KIF13B: variants seen among roughly 807,000 people sequenced by gnomAD.
KIF13B encodes kinesin-like protein KIF13B.
In KIF13B, 127 loss-of-function variants were observed where a neutral mutation model predicts 222.0. That is an observed-to-expected ratio of 0.57 (90% CI 0.50 to 0.66). KIF13B has a LOEUF of 0.66. Ranked by LOEUF, KIF13B falls within the 30% of genes least tolerant of loss-of-function variation. KIF13B has a pLI of 0.00. For synonymous variants in KIF13B, 976 were observed against 919.0 expected (o/e 1.06, Z -1.12); for missense variants, 2,173 against 2,379.0 (o/e 0.91, Z 1.80).
At position 29,070,443 on chromosome 8, in the gene KIF13B, T is replaced by A; in HGVS notation, c.*61A>T. On this transcript the variant is annotated 3_prime_UTR_variant, in exon 40 of 40. Transcript: ENST00000524189. The surrounding 1 kb of genome is among the most constrained non-coding windows in gnomAD (Gnocchi z 4.1). The stretch of plus-strand genomic sequence containing the variant: ...CCGGGCTCCTGGCTCCTCAGGGCTG[T>A]CACTGGCAGGGCTCAAAAGGGGCCG... 1 of 1,579,260 alleles carries A rather than the reference T, an allele frequency of 6.3e-7. No individual in the cohort carries two copies. The highest frequency in any genetic ancestry group is 8.6e-7 in the Non-Finnish European group (1 of 1,161,558).
At chr8:29,174,708 C>T (rs912273051) in intron 10 of KIF13B, among the ~76,000 whole-genome samples, 2 of 152,014 alleles carry the variant, frequency 1.3e-5, no homozygotes, top group Admixed American at 6.5e-5. Flanking sequence ...TGCATTTTGG[C>T]CAAAGGAAGT....
intron 1 of KIF13B, among the ~76,000 whole-genome samples, chr8:29,260,997 A>C (rs754995718): frequency 6.6e-6 from 1 of 152,220 alleles, no homozygotes; most frequent in Non-Finnish European, 1.5e-5. Context: ...ACTGTATTCC[A>C]TAATAACCTT....
chr8:29,158,073 C>T (rs4732911), intron 13 of KIF13B, among the ~76,000 whole-genome samples: 130,264 of 152,132 alleles, frequency 0.86, 56,370 homozygotes, highest in Non-Finnish European at 0.9. Context: ...CTGTTTCCTC[C>T]GTCTGAAATG....
intron 1 of KIF13B, among the ~76,000 whole-genome samples, chr8:29,254,837 A>G (rs760617055): frequency 2.6e-5 from 4 of 152,262 alleles, no homozygotes; most frequent in Admixed American, 2.0e-4. Flanking sequence ...AAGCCTGTAC[A>G]TAAATGTTCA....
chr8:29,100,151 C>T (rs1352994598), intron 35 of KIF13B, among the ~76,000 whole-genome samples: 2 of 152,174 alleles, frequency 1.3e-5, no homozygotes, highest in Admixed American at 6.5e-5. Flanking sequence ...TTATTGTATT[C>T]TCAACTTATT....
intron 10 of KIF13B, among the ~76,000 whole-genome samples, chr8:29,175,738 A>G (rs1415498754): frequency 2.0e-5 from 3 of 152,250 alleles, no homozygotes; most frequent in Non-Finnish European, 4.4e-5. Flanking sequence ...GTGTGAGGCC[A>G]GCGGAGGCTC....
intron 35 of KIF13B, among the ~76,000 whole-genome samples, chr8:29,107,522 T>A (rs1043538833): frequency 8.7e-5 from 13 of 150,238 alleles, no homozygotes; most frequent in Non-Finnish European, 1.3e-4. Context: ...GAGCGAAACA[T>A]CATCACACAC....
At chr8:29,241,789 C>G (rs1700719598) in intron 2 of KIF13B, among the ~76,000 whole-genome samples, 2 of 151,092 alleles carry the variant, frequency 1.3e-5, no homozygotes, top group Admixed American at 1.3e-4. Flanking sequence ...TTTATTCAGT[C>G]TCGGCCCTTG....
intron 13 of KIF13B, among the ~76,000 whole-genome samples, chr8:29,160,441 CAA>C (rs1229880525): frequency 6.6e-6 from 1 of 152,122 alleles, no homozygotes; most frequent in African/African-American, 2.4e-5. Flanking sequence ...ATTTAGTCTT[CAA>C]AGTCATCCAT....
chr8:29,124,187 C>T (rs1271318151), intron 26 of KIF13B, 64 bp from the exon 27 acceptor site: 6 of 958,968 alleles, frequency 6.3e-6, no homozygotes, highest in African/African-American at 3.2e-5. Flanking sequence ...GAAACTGATG[C>T]TCTATCTTAC....
At chr8:29,179,089 A>C (rs1334402029) in intron 8 of KIF13B, among the ~76,000 whole-genome samples, 1 of 152,096 alleles carries the variant, frequency 6.6e-6, no homozygotes, top group Non-Finnish European at 1.5e-5. Flanking sequence ...GTTTCACAGA[A>C]GGCAACACTG....
At chr8:29,204,412 T>C (rs1357494918) in intron 2 of KIF13B, among the ~76,000 whole-genome samples, 2 of 152,192 alleles carry the variant, frequency 1.3e-5, no homozygotes, top group Non-Finnish European at 1.5e-5. Context: ...CCACTTTCAC[T>C]ATAAGAAAGC....
chr8:29,126,513 TA>T lies in KIF13B; in HGVS notation c.3223-3del. On this transcript the variant is annotated splice_region_variant and splice_polypyrimidine_tract_variant and intron_variant, in intron 25 of 39. Coordinates refer to ENST00000524189, the MANE Select transcript of KIF13B (RefSeq NM_015254.4). ...GCTGTCCATGTCTTCCTCTTCCTCC[TA>T]AAAGAAAATATACATTACAAAGAAC... 2 of 1,507,132 alleles carry T rather than the reference TA, an allele frequency of 1.3e-6. No homozygotes were observed. Among genetic ancestry groups the T allele is most frequent in the Non-Finnish European group, 1.8e-6 (2 of 1,093,498 alleles). 93.4% of individuals were successfully genotyped at this position (1,507,132 alleles called of 1,614,324 possible). A position where few individuals can be genotyped will look rare whatever the true frequency, so the allele number is the denominator to read the frequency against.
chr8:29,193,974 C>T (rs1017963173), intron 3 of KIF13B, among the ~76,000 whole-genome samples: 3 of 148,660 alleles, frequency 2.0e-5, no homozygotes, highest in Admixed American at 6.7e-5. Flanking sequence ...CCCGCTACCA[C>T]GCCTGGCTTT....
At chr8:29,087,955 T>C (rs1459203561) in intron 37 of KIF13B, among the ~76,000 whole-genome samples, 1 of 152,014 alleles carries the variant, frequency 6.6e-6, no homozygotes, top group East Asian at 1.9e-4. Flanking sequence ...TATTCAAATA[T>C]GTATATAAGA....
Position 29,186,518 on chromosome 8 carries a change from A to C in KIF13B, c.317-46T>G. ...GTTACTATTGTCTCTTTGAGACGTT[A>C]AATACATAACCCTCTTTCCGTTGCT... On this transcript the variant is annotated intron_variant, in intron 5 of 39. Coordinates refer to ENST00000524189, the MANE Select transcript of KIF13B (RefSeq NM_015254.4). 2.0e-6 allele frequency: 3 copies of C among 1,493,946 alleles called. No homozygotes were observed. In the South Asian group the frequency reaches 3.7e-5, roughly 18 times the overall value. The allele number at this position is 1,493,946 out of a possible 1,614,324, so 92.5% of individuals were successfully genotyped here.
At chr8:29,079,507 T>G (rs542066635) in intron 37 of KIF13B, among the ~76,000 whole-genome samples, 1 of 152,222 alleles carries the variant, frequency 6.6e-6, no homozygotes, top group Non-Finnish European at 1.5e-5. Context: ...CAGTGTTTGT[T>G]GAATGAACAA....
intron 35 of KIF13B, among the ~76,000 whole-genome samples, chr8:29,101,464 A>G (rs144186909): frequency 6.6e-6 from 1 of 152,272 alleles, no homozygotes; most frequent in Non-Finnish European, 1.5e-5. Context: ...AATTGGGCCA[A>G]CGACAAATTA....
At chr8:29,191,080 T>C in intron 3 of KIF13B, 23 bp from the exon 4 acceptor site, 1 of 1,580,500 alleles carries the variant, frequency 6.3e-7, no homozygotes, top group Non-Finnish European at 8.6e-7. Flanking sequence ...AACATAAGTG[T>C]GTGTTAAGAA....
Sources: allele counts gnomAD v4.1 joint callset (sites outside exome capture counted in the v4.1 genomes callset), GRCh38; gene constraint gnomAD v4.1.1; non-coding constraint Gnocchi (gnomAD v3.1); transcripts MANE v1.5; gene names NCBI Gene and HGNC (gene_info 2026-07-23, HGNC 2026-07-21).